Variants in RTL5 observed in about 807,000 individuals in gnomAD.
RTL5 encodes retrotransposon Gag-like protein 5.
In RTL5, 8 loss-of-function variants were observed where a neutral mutation model predicts 7.7. The ratio of observed to expected loss-of-function variants is 1.04; its 90% CI spans 0.61 to 1.88. The LOEUF is 1.88. Ranked by LOEUF, RTL5 falls within the 40% of genes most tolerant of loss-of-function variation. RTL5 has a pLI of 0.00. For missense variants in RTL5, 457 were observed against 472.7 expected (o/e 0.97, Z 0.31); for synonymous variants, 188 against 191.8 (o/e 0.98, Z 0.16).
chrX:72,128,383 CTG>C lies in RTL5; in HGVS notation c.*1446_*1447del, dbSNP rs1183204495. 2.4e-4 allele frequency: 27 copies of C among 112,946 alleles called. No homozygotes were observed. The Admixed American group carries it at 2.4e-3, about 10-fold the overall frequency. The allele number at this position is 112,946 out of a possible 1,213,427, so 9.3% of individuals were successfully genotyped here. On this transcript the variant is annotated 3_prime_UTR_variant, in exon 1 of 1. Coordinates refer to ENST00000609883, the Ensembl canonical transcript of RTL5. The stretch of plus-strand genomic sequence containing the variant: ...GCTGCACTTGCTCTGCTGCCAGTCA[CTG>C]TGCAGAAAGTCCAGTGTCCAGGGGC...
exon 1 of RTL5, chrX:72,128,962 C>T (rs11550742): frequency 0.031 from 3,569 of 113,529 alleles, 66 homozygotes; most frequent in Non-Finnish European, 0.048. Flanking sequence ...TTCTCCTCTC[C>T]GGAACCCTAA....
At chrX:72,130,326 C>T (rs773585535) in exon 1 of RTL5, 36 of 1,173,478 alleles carry the variant, frequency 3.1e-5, no homozygotes, top group Non-Finnish European at 3.5e-5. Flanking sequence ...CCTCCTCCTC[C>T]TCTTTCTGTT....
rs777052348 is a variant in RTL5, at chrX:72,130,548, C to T, written c.993G>A (p.Pro331=). 3.3e-6 allele frequency: 4 copies of T among 1,209,004 alleles called. No individual in the cohort carries two copies. In the African/African-American group the frequency reaches 5.3e-5, roughly 16 times the overall value. The change falls in exon 1 of 1, where the codon CCG becomes CCA. Residue 331 remains proline (P), a synonymous_variant. Coordinates refer to ENST00000609883, the Ensembl canonical transcript of RTL5. Reference sequence around the variant, plus strand: ...CTTCACTTTCTTCCTCATTGGGACTCGGAGCAAAAGGGAAGATGATATTTC... The same window carrying T: ...CTTCACTTTCTTCCTCATTGGGACTTGGAGCAAAAGGGAAGATGATATTTC...
exon 1 of RTL5, chrX:72,130,934 C>G: frequency 1.7e-6 from 2 of 1,211,882 alleles, no homozygotes; most frequent in Non-Finnish European, 1.1e-6. Flanking sequence ...ACCGAGATGG[C>G]CCAGTCCTTG....
At chrX:72,130,135 T>A in exon 1 of RTL5, 1 of 1,210,815 alleles carries the variant, frequency 8.3e-7, no homozygotes, top group African/African-American at 1.7e-5. Flanking sequence ...CGGCTCCATC[T>A]CCATCAGCTC....
Position 72,129,864 on chromosome X carries a change from G to GC in RTL5, c.1676dup (p.His560ProfsTer53). 8.3e-7 allele frequency: 1 copy of GC among 1,202,562 alleles called. No homozygotes were observed. The highest frequency in any genetic ancestry group is 1.1e-6 in the Non-Finnish European group (1 of 890,283). Reference sequence around the variant, plus strand: ...GAATTCGGCCACGAGCAGCTCGGTGGCCCCCCTGTCTCGGAGTGAGGCGGA... The same window carrying GC: ...GAATTCGGCCACGAGCAGCTCGGTGGCCCCCCCTGTCTCGGAGTGAGGCGGA... On this transcript the variant is annotated frameshift_variant, in exon 1 of 1. Transcript: ENST00000609883. LOFTEE classifies it high-confidence loss of function.
At chrX:72,127,217 G>T (rs1454392553), downstream of RTL5, 2 of 110,475 alleles carry the variant, frequency 1.8e-5, no homozygotes, top group African/African-American at 3.3e-5. Flanking sequence ...ATTCCAAAAG[G>T]GTTTCCTCCC....
At chrX:72,130,985 C>G in exon 1 of RTL5, 1 of 1,210,981 alleles carries the variant, frequency 8.3e-7, no homozygotes, top group Non-Finnish European at 1.1e-6. Context: ...GCCACCCGCT[C>G]GGCGCCCCCG....
chrX:72,131,508 G>A, exon 1 of RTL5: 2 of 1,195,546 alleles, frequency 1.7e-6, no homozygotes, highest in Non-Finnish European at 2.3e-6. Context: ...TCGCCATGCG[G>A]AGGCTGTTGA....
chrX:72,130,912 C>T, exon 1 of RTL5: 1 of 1,211,945 alleles, frequency 8.3e-7, no homozygotes, highest in Non-Finnish European at 1.1e-6. Context: ...CAAGGGGCTT[C>T]CTTCCTGGGT....
rs2147512357 is a variant in RTL5 at position 72,131,664 on chromosome X, A to T, written c.-124T>A. 3 of 624,257 alleles carry T rather than the reference A, an allele frequency of 4.8e-6. No homozygotes were observed. The East Asian group carries it at 1.2e-4, about 26-fold the overall frequency. 51.4% of individuals were successfully genotyped at this position (624,257 alleles called of 1,213,427 possible). On this transcript the variant is annotated 5_prime_UTR_variant, in exon 1 of 1. Transcript: ENST00000609883. ...AGGGACCGAAGTGCGGCAGCGGGGC[A>T]CGGGCCAGGCCGGGCCACACCCACC...
At chrX:72,131,453 C>T (rs1286126767) in exon 1 of RTL5, 3 of 1,210,035 alleles carry the variant, frequency 2.5e-6, no homozygotes, top group South Asian at 1.8e-5. Flanking sequence ...CCCAAATTGG[C>T]ATTCTCCCCG....
At chrX:72,129,867 C>T in exon 1 of RTL5, 1 of 1,203,686 alleles carries the variant, frequency 8.3e-7, no homozygotes. Flanking sequence ...CTCGGTGGCC[C>T]CCCTGTCTCG....
At chrX:72,127,351 A>G (rs2042236596), downstream of RTL5, 1 of 96,387 alleles carries the variant, frequency 1.0e-5, no homozygotes, top group African/African-American at 4.0e-5. Context: ...TGGCTGTTAC[A>G]TCACAACAAA....
Position 72,129,717 on chromosome X carries a change from A to C in RTL5, c.*114T>G. 4.1e-6 allele frequency: 3 copies of C among 725,608 alleles called. No individual in the cohort carries two copies. The South Asian group carries it at 8.0e-5, about 19-fold the overall frequency. The allele number at this position is 725,608 out of a possible 1,213,427, so 59.8% of individuals were successfully genotyped here. A position where few individuals can be genotyped will look rare whatever the true frequency, so the allele number is the denominator to read the frequency against. ...TCTGCAGGTCTTCTTCAGGTTCTGCAGGTCTGAAACTCCCTGAAGTCCTGG... is the reference window on the plus strand; with the variant it reads ...TCTGCAGGTCTTCTTCAGGTTCTGCCGGTCTGAAACTCCCTGAAGTCCTGG... On this transcript the variant is annotated 3_prime_UTR_variant, in exon 1 of 1. Coordinates refer to ENST00000609883, the Ensembl canonical transcript of RTL5.
chrX:72,131,480 C>T, exon 1 of RTL5: 1 of 1,206,341 alleles, frequency 8.3e-7, no homozygotes. Flanking sequence ...GCATTTAATT[C>T]TTCGCGCAGG....
chrX:72,127,283 C>G (rs2042235794), downstream of RTL5: 1 of 76,653 alleles, frequency 1.3e-5, no homozygotes, highest in South Asian at 1.2e-3. Context: ...CCCCTCCCCC[C>G]ACCCCTCTTT....
exon 1 of RTL5, chrX:72,130,390 T>G (rs2042277401): frequency 1.7e-6 from 2 of 1,177,501 alleles, no homozygotes; most frequent in Non-Finnish European, 2.3e-6. Flanking sequence ...CATTTCTTCC[T>G]CCTTCTTCAT....
chrX:72,131,644 C>T, exon 1 of RTL5: 4 of 846,832 alleles, frequency 4.7e-6, no homozygotes, highest in Non-Finnish European at 6.5e-6. Flanking sequence ...TCGGGAGGGA[C>T]CGAAGTGCGG....
Sources: gnomAD v4.1 joint callset for allele counts on GRCh38, gnomAD v4.1.1 for gene constraint, MANE v1.5 for transcripts, NCBI Gene and HGNC (gene_info 2026-07-23, HGNC 2026-07-21) for gene names.